ATM: variants seen among roughly 807,000 people sequenced by gnomAD.
The protein encoded by ATM is serine-protein kinase ATM.
ATM carries 308 observed loss-of-function variants against 387.0 expected under a neutral mutation model. The observed-to-expected ratio is 0.80, with a 90% CI of 0.73 to 0.87. The LOEUF (loss-of-function observed/expected upper bound fraction) is 0.87, where lower values mean the gene tolerates loss of function less well. Among genes scored for constraint, ATM ranks in the 40% least tolerant of loss-of-function variants. ATM has a pLI of 0.00. For missense variants in ATM, 3,312 were observed against 3,560.9 expected, an observed-to-expected ratio of 0.93 and a Z score of 1.78; for synonymous variants, 1,156 against 1,187.3, an observed-to-expected ratio of 0.97 and a Z score of 0.54.
intron 26 of ATM, chr11:108,287,304 A>G (rs545545985): frequency 7.0e-5 from 14 of 198,888 alleles, no homozygotes; most frequent in Non-Finnish European, 1.1e-4. Flanking sequence ...ACCAGGTCAT[A>G]CAACTTAATG....
intron 59 of ATM, among the ~76,000 whole-genome samples, chr11:108,352,042 A>G (rs568206068): frequency 2.0e-5 from 3 of 152,250 alleles, no homozygotes; most frequent in African/African-American, 7.2e-5. Context: ...GGTGACTCCC[A>G]AAGGCATTAA....
rs2135290577 is a variant in ATM, at chr11:108,248,954, T to A, written c.1087T>A (p.Ser363Thr). 1 of 1,610,216 alleles carries A rather than the reference T, an allele frequency of 6.2e-7. No individual in the cohort carries two copies. Among genetic ancestry groups the A allele is most frequent in the Non-Finnish European group, 8.5e-7 (1 of 1,177,468 alleles). Residue 363 changes from serine to threonine, a missense_variant, in exon 9 of 63, where the codon TCC becomes ACC. By Grantham distance (58) the Ser-to-Thr change is moderately conservative. Coordinates refer to ENST00000675843, the MANE Select transcript of ATM (RefSeq NM_000051.4). Reference sequence around the variant, plus strand: ...ACAGGTTTTTAATGAAGATACCAGATCCTTGGAGATTTCTCAATCTTACAC... The same window carrying A: ...ACAGGTTTTTAATGAAGATACCAGAACCTTGGAGATTTCTCAATCTTACAC... Reference protein sequence around the residue: ...CHQVFNEDTRSLEISQSYTTT... With the variant: ...CHQVFNEDTRTLEISQSYTTT...
chr11:108,328,850 C>A (rs2136403854), intron 48 of ATM, among the ~76,000 whole-genome samples, 171 bp from the exon 49 acceptor site: 2 of 152,262 alleles, frequency 1.3e-5, no homozygotes, highest in East Asian at 3.9e-4. Context: ...CGTCCTGGGC[C>A]ACATGCGGCC....
intron 53 of ATM, among the ~76,000 whole-genome samples, chr11:108,333,217 C>T (rs1445801743): frequency 6.6e-6 from 1 of 152,076 alleles, no homozygotes; most frequent in Non-Finnish European, 1.5e-5. Context: ...CATTTCTAGC[C>T]TCAAAAGTTT....
In ATM at chr11:108,325,441, T is replaced by A; in HGVS notation, c.6704T>A (p.Met2235Lys). The change falls in exon 46 of 63, where the codon ATG becomes AAG. Residue 2235 changes from methionine (M) to lysine (K), a missense_variant. Met to Lys is a moderately conservative substitution (Grantham distance 95, BLOSUM62 -1). Coordinates refer to ENST00000675843, the MANE Select transcript of ATM (RefSeq NM_000051.4). ...ALRTVILEIL[M>K]EKEMDNSQRE... ...CGCACAGTCATTTTGGAGATCCTGATGGAAAAGGAAATGGACAACTCACAA... is the reference window on the plus strand; with the variant it reads ...CGCACAGTCATTTTGGAGATCCTGAAGGAAAAGGAAATGGACAACTCACAA... 1 of 1,613,686 alleles carries A rather than the reference T, an allele frequency of 6.2e-7. No homozygotes were observed. Among genetic ancestry groups the A allele is most frequent in the Non-Finnish European group, 8.5e-7 (1 of 1,179,802 alleles).
At chr11:108,286,660 T>A (rs2082509682) in intron 26 of ATM, among the ~76,000 whole-genome samples, 2 of 152,302 alleles carry the variant, frequency 1.3e-5, no homozygotes, top group South Asian at 2.1e-4. Context: ...CTTGTCCTTT[T>A]GTTACTTGAG....
chr11:108,357,737 G>T (rs889031086), intron 61 of ATM, among the ~76,000 whole-genome samples: 21 of 152,152 alleles, frequency 1.4e-4, no homozygotes, highest in Admixed American at 1.4e-3. Context: ...TGAGGGTCTT[G>T]TCTGTTAGAA....
At chr11:108,241,742 C>CTTTTTTT (rs1206745957) in intron 5 of ATM, among the ~76,000 whole-genome samples, 148 of 45,328 alleles carry the variant, frequency 3.3e-3, no homozygotes, top group Non-Finnish European at 4.2e-3. Flanking sequence ...TTCTTTCTTT[C>CTTTTTTT]TTTTTTTTTT....
chr11:108,340,520 C>G (rs2087422233), intron 56 of ATM, among the ~76,000 whole-genome samples: 1 of 152,160 alleles, frequency 6.6e-6, no homozygotes, highest in African/African-American at 2.4e-5. Flanking sequence ...TCAGCAAGTC[C>G]TATTGGTCAA....
At chr11:108,321,654 G>T (rs2085234581) in intron 45 of ATM, among the ~76,000 whole-genome samples, 1 of 151,818 alleles carries the variant, frequency 6.6e-6, no homozygotes, top group South Asian at 2.1e-4. Context: ...ATGGTGGTGG[G>T]CGCCTGTAAT....
Position 108,271,351 on chromosome 11 carries a change from T to C in ATM, c.3022T>C (p.Ser1008Pro), listed in dbSNP as rs2135553747. 1 of 1,614,052 alleles carries C rather than the reference T, an allele frequency of 6.2e-7. No individual in the cohort carries two copies. Among genetic ancestry groups the C allele is most frequent in the South Asian group, 1.1e-5 (1 of 91,082 alleles). Reference protein sequence around the residue: ...VKNLGQSNMDSENTRDAQGQF... With the variant: ...VKNLGQSNMDPENTRDAQGQF... ...AAACCTAGGTCAAAGCAATATGGAC[T>C]CTGAGAACACAAGGGATGCTCAAGG... Residue 1008 changes from serine (S) to proline (P), a missense_variant, in exon 20 of 63, where the codon TCT (serine) becomes CCT (proline). Coordinates refer to ENST00000675843, the MANE Select transcript of ATM (RefSeq NM_000051.4).
At chr11:108,322,105 TCTATTGTTTATTGTTGTATAC>T (rs548851612) in intron 45 of ATM, among the ~76,000 whole-genome samples, 72 of 152,228 alleles carry the variant, frequency 4.7e-4, no homozygotes, top group Middle Eastern at 3.4e-3. Flanking sequence ...TGGGAACCAT[TCTATTGTTTATTGTTGTATAC>T]CTAGTGTTTT....
At position 108,233,005 on chromosome 11, in the gene ATM, G is replaced by A. The variant is rs538962573; in HGVS notation, c.332-2665G>A. Among the ~76,000 whole-genome samples the A allele has an allele frequency of 5.9e-5, 9 of 152,194 alleles. No homozygotes were observed. In the East Asian group the frequency reaches 1.7e-3, roughly 29 times the overall value. ...AGCTTCCCAAGTAACTGGGATTACA[G>A]GCATGCCCCACCATGCCCAGCTAAT... is the stretch of plus-strand genomic sequence containing the variant. On this transcript the variant is annotated intron_variant, in intron 4 of 62. Transcript: ENST00000675843.
At chr11:108,290,408 T>A (rs747258484) in intron 29 of ATM, 2 of 151,774 alleles carry the variant, frequency 1.3e-5, no homozygotes, top group Non-Finnish European at 2.9e-5. Context: ...GGTAGATTGC[T>A]TGAGCCCAGG....
Position 108,248,935 on chromosome 11 carries a change from T to C in ATM, c.1068T>C (p.Val356=), listed in dbSNP as rs1462038794. The change falls in exon 9 of 63, where the codon GTT becomes GTC. Residue 356 remains valine, a splice_region_variant and synonymous_variant. Coordinates refer to ENST00000675843, the MANE Select transcript of ATM (RefSeq NM_000051.4). The part of the protein sequence containing the change: ...IELMADICHQ[V]FNEDTRSLEI... The stretch of plus-strand genomic sequence containing the variant: ...GTGGATTTATTTTTATTTTACAGGT[T>C]TTTAATGAAGATACCAGATCCTTGG... The C allele has an allele frequency of 1.2e-6, 2 of 1,603,994 alleles. No individual in the cohort carries two copies. Among genetic ancestry groups the C allele is most frequent in the East Asian group, 4.5e-5 (2 of 44,784 alleles).
rs112441906 is a variant in ATM at position 108,266,825 on chromosome 11, G to C, written c.2467-346G>C. On this transcript the variant is annotated intron_variant, in intron 16 of 62. Coordinates refer to ENST00000675843, the MANE Select transcript of ATM (RefSeq NM_000051.4). ...TTTTTTTTTTTTGAGACAGAGTCTC[G>C]CTTCGTCAAACCCAGGCTGGAGTGC... Among the ~76,000 whole-genome samples the C allele has an allele frequency of 8.6e-3, 1,161 of 134,482 alleles. 8 individuals are homozygous for C. The highest frequency in any genetic ancestry group is 0.028 in the African/African-American group (991 of 34,852). The allele number at this position is 134,482 out of a possible 152,430, so 88.2% of individuals were successfully genotyped here.
intron 61 of ATM, among the ~76,000 whole-genome samples, chr11:108,359,226 A>C (rs2090411820): frequency 2.0e-5 from 3 of 151,388 alleles, no homozygotes; most frequent in African/African-American, 7.3e-5. Flanking sequence ...TAAAGGGATC[A>C]ATTCAACAAG....
chr11:108,301,562 A>T (rs2135909518), intron 34 of ATM, 86 bp from the exon 35 acceptor site: 1 of 1,540,520 alleles, frequency 6.5e-7, no homozygotes, highest in Non-Finnish European at 8.9e-7. Flanking sequence ...TTTAAATTTT[A>T]GTTTTGAAAT....
At chr11:108,284,739 T>G (rs4987994) in intron 26 of ATM, among the ~76,000 whole-genome samples, 5 of 152,180 alleles carry the variant, frequency 3.3e-5, no homozygotes, top group Admixed American at 1.3e-4. Context: ...ATTTAAAAAT[T>G]TATTTTAACT....
Sources: gnomAD v4.1 joint callset for allele counts (sites outside exome capture counted in the v4.1 genomes callset) on GRCh38, gnomAD v4.1.1 for gene constraint, MANE v1.5 for transcripts, NCBI Gene and HGNC (gene_info 2026-07-23, HGNC 2026-07-21) for gene names.